The following NTNG1 variants were observed in gnomAD, a reference collection of about 807,000 sequenced individuals.
NTNG1 encodes the protein netrin G1, also known as netrin-G1.
Under a neutral mutation model 54.0 loss-of-function variants are expected in NTNG1, and 16 were observed. The ratio of observed to expected loss-of-function variants is 0.30; its 90% CI spans 0.20 to 0.45. The LOEUF (loss-of-function observed/expected upper bound fraction) is 0.45, where lower values mean the gene tolerates loss of function less well. Ranked by LOEUF, NTNG1 falls within the 20% of genes least tolerant of loss-of-function variation. The pLI is 1.00. For synonymous variants in NTNG1, 255 were observed against 263.1 expected (o/e 0.97, Z 0.30); for missense variants, 530 against 678.7 (o/e 0.78, Z 2.43).
At chr1:107,416,447 A>G (rs1674210197) in intron 5 of NTNG1, among the ~76,000 whole-genome samples, 2 of 152,092 alleles carry the variant, frequency 1.3e-5, no homozygotes, top group South Asian at 4.1e-4. Flanking sequence ...GTCTATCTTG[A>G]TAAGTCCATA....
intron 2 of NTNG1, among the ~76,000 whole-genome samples, chr1:107,193,158 C>T (rs1366083396): frequency 6.6e-6 from 1 of 151,952 alleles, no homozygotes; most frequent in East Asian, 1.9e-4. Flanking sequence ...TGATTTTCTC[C>T]CCAGGTATTC....
At chr1:107,241,797 A>G (rs1175756535) in intron 2 of NTNG1, among the ~76,000 whole-genome samples, 1 of 152,166 alleles carries the variant, frequency 6.6e-6, no homozygotes, top group African/African-American at 2.4e-5. Context: ...TTAGGGCAAA[A>G]AAAGTCGGGA....
intron 2 of NTNG1, among the ~76,000 whole-genome samples, chr1:107,306,061 G>A (rs11185084): frequency 0.49 from 75,043 of 152,006 alleles, 21,210 homozygotes; most frequent in Non-Finnish European, 0.62. Flanking sequence ...GAAGTAGAAA[G>A]CACCACTATG....
chr1:107,363,738 T>G (rs1041849021), intron 3 of NTNG1, among the ~76,000 whole-genome samples: 3 of 152,230 alleles, frequency 2.0e-5, no homozygotes, highest in Non-Finnish European at 2.9e-5. Context: ...CATTTCATAT[T>G]GATCACTTGC....
chr1:107,167,484 G>T (rs1655891503), intron 2 of NTNG1, among the ~76,000 whole-genome samples: 2 of 151,284 alleles, frequency 1.3e-5, no homozygotes, highest in Non-Finnish European at 3.0e-5. Context: ...AAAATAATAT[G>T]TATTTTTATA....
chr1:107,369,155 G>A lies in NTNG1; in HGVS notation c.888-25999G>A, dbSNP rs369886639. On this transcript the variant is annotated intron_variant, in intron 3 of 7. Transcript: ENST00000370068. ...TCCATTATTTATCTATTCACCTATT[G>A]ATGGACACTTGGGTTGTGACCAGTT... Among the ~76,000 whole-genome samples, 351 of 152,108 alleles carry A rather than the reference G, an allele frequency of 2.3e-3. 4 individuals carry two copies. Among genetic ancestry groups the A allele is most frequent in the African/African-American group, 8.1e-3 (335 of 41,506 alleles).
intron 3 of NTNG1, among the ~76,000 whole-genome samples, chr1:107,362,647 G>A (rs768447656): frequency 6.6e-6 from 1 of 152,198 alleles, no homozygotes; most frequent in East Asian, 1.9e-4. Flanking sequence ...TGAAGCAGAG[G>A]TGTGGGCAGG....
intron 2 of NTNG1, among the ~76,000 whole-genome samples, chr1:107,262,126 T>A (rs1216872656): frequency 6.6e-6 from 1 of 152,260 alleles, no homozygotes; most frequent in African/African-American, 2.4e-5. Flanking sequence ...AAAGACTTTT[T>A]CTGATTTATA....
At chr1:107,358,181 T>G (rs1036081728) in intron 3 of NTNG1, among the ~76,000 whole-genome samples, 8 of 152,134 alleles carry the variant, frequency 5.3e-5, no homozygotes, top group Admixed American at 5.2e-4. Context: ...ATGAATTTTT[T>G]TAATCTTTGT....
chr1:107,463,529 A>G (rs767454636), intron 7 of NTNG1, among the ~76,000 whole-genome samples: 1 of 150,806 alleles, frequency 6.6e-6, no homozygotes, highest in Non-Finnish European at 1.5e-5. Context: ...TTCCATAATA[A>G]CCTTGGTTTT....
chr1:107,317,655 C>T (rs1667411323), intron 2 of NTNG1, among the ~76,000 whole-genome samples: 1 of 152,178 alleles, frequency 6.6e-6, no homozygotes, highest in Non-Finnish European at 1.5e-5. Context: ...TGGGGATTTA[C>T]ACAGGTGTCT....
chr1:107,385,554 T>C (rs1034646592), intron 3 of NTNG1, among the ~76,000 whole-genome samples: 1 of 151,784 alleles, frequency 6.6e-6, no homozygotes, highest in Non-Finnish European at 1.5e-5. Flanking sequence ...ATCTTTATAC[T>C]GGTGACTGTG....
chr1:107,254,770 T>C (rs1344088145), intron 2 of NTNG1, among the ~76,000 whole-genome samples: 6 of 152,184 alleles, frequency 3.9e-5, no homozygotes, highest in African/African-American at 1.4e-4. Context: ...ACTGAGCTAA[T>C]CTCTCCATTT....
At chr1:107,416,878 G>A (rs10785824) in intron 5 of NTNG1, among the ~76,000 whole-genome samples, 66,177 of 151,704 alleles carry the variant, frequency 0.44, 14,669 homozygotes, top group Middle Eastern at 0.51. Context: ...CTAGTTAACC[G>A]AACTAAGATT....
At chr1:107,201,040 A>AT (rs566368851) in intron 2 of NTNG1, among the ~76,000 whole-genome samples, 4 of 151,834 alleles carry the variant, frequency 2.6e-5, no homozygotes, top group Admixed American at 1.3e-4. Context: ...AATTTTTTCA[A>AT]TTTTTTTAAA....
At chr1:107,376,240 C>G (rs1671226786) in intron 3 of NTNG1, among the ~76,000 whole-genome samples, 1 of 151,628 alleles carries the variant, frequency 6.6e-6, no homozygotes, top group South Asian at 2.1e-4. Flanking sequence ...AACCCCGTCT[C>G]TACTAAAAAT....
intron 2 of NTNG1, among the ~76,000 whole-genome samples, chr1:107,312,755 C>T (rs1667090465): frequency 1.3e-5 from 2 of 152,158 alleles, no homozygotes; most frequent in South Asian, 2.1e-4. Flanking sequence ...TTAATCTTTA[C>T]ATACCACTGC....
chr1:107,407,326 T>C (rs1168756085), intron 4 of NTNG1, among the ~76,000 whole-genome samples: 1 of 152,144 alleles, frequency 6.6e-6, no homozygotes, highest in Non-Finnish European at 1.5e-5. Context: ...CCTGGTTTAA[T>C]ATCTAGTTTG....
rs1355018992 is a variant in NTNG1, at chr1:107,482,362, C to T, written c.*1522C>T. On this transcript the variant is annotated 3_prime_UTR_variant, in exon 8 of 8. Coordinates refer to ENST00000370068, the MANE Select transcript of NTNG1 (RefSeq NM_001113226.3). ...ATCAAAATATAAAGCAGCAAGTAGA[C>T]ATAACTGCTGTTCCTGAGAATAAAG... 6.6e-6 allele frequency: 1 copy of T among 152,202 alleles called. No homozygotes were observed. The highest frequency in any genetic ancestry group is 1.5e-5 in the Non-Finnish European group (1 of 68,038). 9.4% of individuals were successfully genotyped at this position (152,202 alleles called of 1,614,324 possible).
Sources: allele counts gnomAD v4.1 joint callset (sites outside exome capture counted in the v4.1 genomes callset), GRCh38; gene constraint gnomAD v4.1.1; transcripts MANE v1.5; gene names NCBI Gene and HGNC (gene_info 2026-07-23, HGNC 2026-07-21).